CCSER1: variants seen among roughly 807,000 people sequenced by gnomAD.
CCSER1 encodes coiled-coil serine rich protein 1.
A neutral mutation model predicts 82.0 loss-of-function variants in CCSER1; 41 were observed. The ratio of observed to expected loss-of-function variants is 0.50; its 90% CI spans 0.39 to 0.65. The LOEUF is 0.65. CCSER1 is among the 30% of genes least tolerant of loss of function. The pLI is 0.00. For synonymous variants in CCSER1, 414 were observed against 383.9 expected (o/e 1.08, Z -0.92); for missense variants, 1,119 against 1,064.2 (o/e 1.05, Z -0.72).
chr4:90,269,485 A>G (rs1337690222), intron 1 of CCSER1, among the ~76,000 whole-genome samples: 1 of 152,042 alleles, frequency 6.6e-6, no homozygotes, highest in Non-Finnish European at 1.5e-5. Flanking sequence ...TCTTGAAACA[A>G]TTGATAATGA....
intron 10 of CCSER1, among the ~76,000 whole-genome samples, chr4:91,479,894 C>A (rs199900746): frequency 1.0e-4 from 12 of 115,506 alleles, no homozygotes; most frequent in East Asian, 3.0e-4. Flanking sequence ...CCTACCCCCT[C>A]CCCCCACCCC....
chr4:91,023,644 A>G (rs1181055998), intron 9 of CCSER1, among the ~76,000 whole-genome samples: 5 of 152,172 alleles, frequency 3.3e-5, no homozygotes, highest in Admixed American at 3.3e-4. Flanking sequence ...TACACCTTAT[A>G]CCAAAATTAA....
At chr4:91,433,198 A>G (rs1754432519) in intron 10 of CCSER1, among the ~76,000 whole-genome samples, 2 of 152,198 alleles carry the variant, frequency 1.3e-5, no homozygotes, top group Admixed American at 6.5e-5. Context: ...TAGAAAGTAT[A>G]GTCGTGTGCC....
intron 7 of CCSER1, among the ~76,000 whole-genome samples, chr4:90,750,078 C>T (rs1269890004): frequency 2.6e-5 from 4 of 152,072 alleles, no homozygotes; most frequent in African/African-American, 9.6e-5. Flanking sequence ...TTTTTGGCTG[C>T]ATAAATGTCT....
intron 9 of CCSER1, among the ~76,000 whole-genome samples, chr4:91,016,389 T>C (rs189867279): frequency 5.3e-4 from 81 of 152,126 alleles, no homozygotes; most frequent in African/African-American, 1.9e-3. Context: ...AGAATAATTA[T>C]TCCTTGCACA....
chr4:90,859,362 T>A (rs1289816121), intron 8 of CCSER1, among the ~76,000 whole-genome samples: 1 of 151,852 alleles, frequency 6.6e-6, no homozygotes, highest in African/African-American at 2.4e-5. Context: ...GCATATTTAA[T>A]TAATTTCTCT....
intron 10 of CCSER1, among the ~76,000 whole-genome samples, chr4:91,542,211 G>A (rs771324879): frequency 1.4e-4 from 22 of 152,188 alleles, no homozygotes; most frequent in East Asian, 5.8e-4. Context: ...TTCTTTTGCC[G>A]TGCAGAAGCT....
At chr4:91,404,585 G>A (rs1268269784) in intron 10 of CCSER1, among the ~76,000 whole-genome samples, 6 of 152,080 alleles carry the variant, frequency 3.9e-5, no homozygotes, top group Non-Finnish European at 1.5e-5. Flanking sequence ...AGAGATTCTG[G>A]TATGTTGTGT....
chr4:91,440,263 G>A (rs1018008153), intron 10 of CCSER1, among the ~76,000 whole-genome samples: 1 of 152,064 alleles, frequency 6.6e-6, no homozygotes, highest in African/African-American at 2.4e-5. Flanking sequence ...AGAACAAACT[G>A]TCTCTCAGAC....
intron 7 of CCSER1, among the ~76,000 whole-genome samples, chr4:90,798,266 T>G (rs1756310601): frequency 1.3e-5 from 2 of 152,116 alleles, no homozygotes; most frequent in Non-Finnish European, 1.5e-5. Context: ...TGGTATATTC[T>G]GCTGTTGATA....
intron 10 of CCSER1, among the ~76,000 whole-genome samples, chr4:91,270,433 TCATCA>T: frequency 6.6e-6 from 1 of 152,298 alleles, no homozygotes; most frequent in South Asian, 2.1e-4. Context: ...TTAACAACGT[TCATCA>T]CATTTTTTTT....
chr4:90,502,957 A>T (rs983203345), intron 5 of CCSER1, among the ~76,000 whole-genome samples: 1 of 152,152 alleles, frequency 6.6e-6, no homozygotes, highest in Non-Finnish European at 1.5e-5. Flanking sequence ...GATGCACAAG[A>T]TGACTTCGGA....
At chr4:90,818,087 T>A (rs1386317954) in intron 8 of CCSER1, among the ~76,000 whole-genome samples, 2 of 152,104 alleles carry the variant, frequency 1.3e-5, no homozygotes, top group Admixed American at 1.3e-4. Context: ...TGTATCTACA[T>A]GTATGCTGTA....
intron 10 of CCSER1, among the ~76,000 whole-genome samples, chr4:91,485,629 T>C (rs749565802): frequency 2.0e-5 from 3 of 152,158 alleles, no homozygotes; most frequent in Non-Finnish European, 4.4e-5. Context: ...ACCTAACCTT[T>C]GCAAGCTGCC....
chr4:90,531,320 AT>A lies in CCSER1; in HGVS notation c.1724+62967del, dbSNP rs1248900425. On this transcript the variant is annotated intron_variant, in intron 5 of 10. Transcript: ENST00000509176. Reference sequence around the variant, plus strand: ...TATAAAGACCTTAAAAATCTCAAAAATGAGTATTTACTTCCCTGGAGATTTC... The same window carrying A: ...TATAAAGACCTTAAAAATCTCAAAAAGAGTATTTACTTCCCTGGAGATTTC... Among the ~76,000 whole-genome samples the A allele has an allele frequency of 2.6e-5, 4 of 152,074 alleles. No individual in the cohort carries two copies. In the East Asian group the frequency reaches 7.7e-4, roughly 29 times the overall value.
intron 1 of CCSER1, among the ~76,000 whole-genome samples, chr4:90,258,472 A>C (rs1723743665): frequency 6.6e-6 from 1 of 152,218 alleles, no homozygotes; most frequent in South Asian, 2.1e-4. Context: ...AGATCACGCC[A>C]CTGCATTCCA....
intron 1 of CCSER1, among the ~76,000 whole-genome samples, chr4:90,201,680 T>A (rs1231196526): frequency 6.6e-6 from 1 of 152,112 alleles, no homozygotes; most frequent in African/African-American, 2.4e-5. Context: ...AATAGCCATG[T>A]GTGGCTATAG....
At chr4:90,932,951 AAAGAAAGAAAGAAAG>A (rs1730132511) in intron 9 of CCSER1, among the ~76,000 whole-genome samples, 1 of 42,640 alleles carries the variant, frequency 2.3e-5, no homozygotes, top group African/African-American at 1.8e-4. Flanking sequence ...AGAAAGAAAG[AAAGAAAGAAAGAAAG>A]AAAGAAAGAA....
intron 1 of CCSER1, among the ~76,000 whole-genome samples, chr4:90,175,484 C>T (rs1732492990): frequency 6.6e-6 from 1 of 151,756 alleles, no homozygotes. Flanking sequence ...ATTGGCTATC[C>T]CTAATCCAAT....
Sources: gnomAD v4.1 joint callset for allele counts (sites outside exome capture counted in the v4.1 genomes callset) on GRCh38, gnomAD v4.1.1 for gene constraint, MANE v1.5 for transcripts, NCBI Gene and HGNC (gene_info 2026-07-23, HGNC 2026-07-21) for gene names.